Variants in NALF1 observed in about 807,000 individuals in gnomAD.
NALF1 encodes NALCN channel auxiliary factor 1, also known as family with sequence similarity 155 member A.
A neutral mutation model predicts 48.4 loss-of-function variants in NALF1; 3 were observed. That is an observed-to-expected ratio of 0.06 (90% CI 0.03 to 0.16). The LOEUF is 0.16. Ranked by LOEUF, NALF1 falls within the 10% of genes least tolerant of loss-of-function variation. The pLI, the probability that NALF1 is intolerant of heterozygous loss-of-function variation, is 1.00. For synonymous variants in NALF1, 262 were observed against 245.7 expected (o/e 1.07, Z -0.62); for missense variants, 526 against 571.5 (o/e 0.92, Z 0.81).
chr13:107,675,374 T>C (rs1048394558), intron 1 of NALF1, among the ~76,000 whole-genome samples: 1 of 152,188 alleles, frequency 6.6e-6, no homozygotes, highest in Admixed American at 6.5e-5. Context: ...AGATGCTTGT[T>C]GAAGAAATGC....
chr13:107,482,504 A>G (rs574523631), intron 1 of NALF1, among the ~76,000 whole-genome samples: 5 of 152,314 alleles, frequency 3.3e-5, no homozygotes, highest in Admixed American at 2.6e-4. Context: ...TTTGGTGAGC[A>G]TTGGAATTAA....
At chr13:107,446,982 A>G (rs1015014539) in intron 1 of NALF1, among the ~76,000 whole-genome samples, 7 of 152,228 alleles carry the variant, frequency 4.6e-5, no homozygotes, top group African/African-American at 1.7e-4. Context: ...AACACCTAGC[A>G]GAGTACTTGA....
At chr13:107,838,167 C>T (rs532504968) in intron 1 of NALF1, among the ~76,000 whole-genome samples, 48 of 152,162 alleles carry the variant, frequency 3.2e-4, no homozygotes, top group African/African-American at 1.1e-3. Flanking sequence ...TGGCATTATA[C>T]CATAGGCCCT....
intron 1 of NALF1, among the ~76,000 whole-genome samples, chr13:107,492,675 T>G (rs1327510422): frequency 6.6e-6 from 1 of 152,202 alleles, no homozygotes; most frequent in Admixed American, 6.5e-5. Flanking sequence ...TTGCACTGTC[T>G]GTAAATAGGA....
chr13:107,780,503 CTT>C (rs201071204), intron 1 of NALF1, among the ~76,000 whole-genome samples: 24 of 144,376 alleles, frequency 1.7e-4, no homozygotes, highest in Admixed American at 3.4e-4. Context: ...AGAGTTTTAA[CTT>C]TTTTTTTTTT....
chr13:107,254,062 A>AAAAAAATATATATATATAT, intron 1 of NALF1, among the ~76,000 whole-genome samples: 1 of 138,582 alleles, frequency 7.2e-6, no homozygotes, highest in African/African-American at 2.7e-5. Context: ...CAAGTACTAA[A>AAAAAAATATATATATATAT]ATATATATAT....
At chr13:107,522,841 C>T (rs1876292166) in intron 1 of NALF1, among the ~76,000 whole-genome samples, 1 of 152,004 alleles carries the variant, frequency 6.6e-6, no homozygotes. Flanking sequence ...TGGTCTCCAA[C>T]TCCTGACCTC....
rs1880284363 is a variant in NALF1 at position 107,645,249 on chromosome 13, A to G, written c.915+220433T>C. On this transcript the variant is annotated intron_variant, in intron 1 of 2. Transcript: ENST00000375915. The stretch of plus-strand genomic sequence containing the variant: ...GCAGTTACAGTTGCTCCACATCCTC[A>G]CCAACACTTAGTATTGTCCTTTTCA... 2.6e-5 allele frequency among the ~76,000 whole-genome samples: 4 copies of G among 152,152 alleles called. No individual in the cohort carries two copies. The South Asian group carries it at 8.3e-4, about 32-fold the overall frequency.
chr13:107,856,413 G>A (rs1880441410), intron 1 of NALF1, among the ~76,000 whole-genome samples: 1 of 152,152 alleles, frequency 6.6e-6, no homozygotes, highest in Non-Finnish European at 1.5e-5. Context: ...TGCTTGATGT[G>A]TTTGTGACCA....
At chr13:107,559,111 C>G (rs1877566171) in intron 1 of NALF1, among the ~76,000 whole-genome samples, 1 of 152,166 alleles carries the variant, frequency 6.6e-6, no homozygotes, top group Non-Finnish European at 1.5e-5. Flanking sequence ...TATTGGCTCT[C>G]TTCCTCTGTA....
intron 1 of NALF1, among the ~76,000 whole-genome samples, chr13:107,238,546 T>G (rs2138832744): frequency 6.6e-6 from 1 of 152,214 alleles, no homozygotes; most frequent in South Asian, 2.1e-4. Flanking sequence ...AAGGTAAAAA[T>G]CTGTGGGAGC....
chr13:107,851,618 AAGG>A (rs1466327482), intron 1 of NALF1, among the ~76,000 whole-genome samples: 2 of 152,154 alleles, frequency 1.3e-5, no homozygotes, highest in Non-Finnish European at 2.9e-5. Flanking sequence ...TTTCTTAAGC[AAGG>A]AGAAGGAACA....
intron 1 of NALF1, among the ~76,000 whole-genome samples, chr13:107,714,626 T>TAAAAAAAAAAAAAA (rs10633995): frequency 7.9e-6 from 1 of 126,482 alleles, no homozygotes; most frequent in African/African-American, 2.9e-5. Flanking sequence ...GAGGCTTTAT[T>TAAAAAAAAAAAAAA]AAAAAAAAAA....
At chr13:107,184,963 G>C (rs1426787076) in intron 2 of NALF1, among the ~76,000 whole-genome samples, 1 of 152,102 alleles carries the variant, frequency 6.6e-6, no homozygotes, top group Non-Finnish European at 1.5e-5. Flanking sequence ...GGTCATTAGG[G>C]GTTCCTTAAT....
intron 1 of NALF1, among the ~76,000 whole-genome samples, chr13:107,641,120 T>C (rs1376467058): frequency 6.6e-6 from 1 of 152,142 alleles, no homozygotes; most frequent in African/African-American, 2.4e-5. Context: ...TGGATGCAAC[T>C]GGAGGTGATT....
intron 1 of NALF1, among the ~76,000 whole-genome samples, chr13:107,288,431 G>A (rs111229174): frequency 1.3e-5 from 2 of 151,496 alleles, no homozygotes; most frequent in Non-Finnish European, 2.9e-5. Flanking sequence ...TGTTGGTCAG[G>A]CTGGTCTTGC....
intron 1 of NALF1, among the ~76,000 whole-genome samples, chr13:107,800,375 G>T (rs968879341): frequency 4.0e-5 from 6 of 151,560 alleles, no homozygotes; most frequent in African/African-American, 1.5e-4. Context: ...TTTTTCAGGA[G>T]TTCTGTCATG....
chr13:107,620,561 T>C (rs569169583), intron 1 of NALF1, among the ~76,000 whole-genome samples: 3 of 152,324 alleles, frequency 2.0e-5, no homozygotes, highest in Non-Finnish European at 4.4e-5. Context: ...AGGTTTCTGA[T>C]ACTGTTGCAC....
intron 1 of NALF1, among the ~76,000 whole-genome samples, chr13:107,446,743 T>C (rs928913711): frequency 1.3e-5 from 2 of 152,230 alleles, no homozygotes; most frequent in Non-Finnish European, 2.9e-5. Flanking sequence ...ATAGGATCTA[T>C]GTCAAAATTC....
Sources: allele counts gnomAD v4.1 joint callset (sites outside exome capture counted in the v4.1 genomes callset), GRCh38; gene constraint gnomAD v4.1.1; transcripts MANE v1.5; gene names NCBI Gene and HGNC (gene_info 2026-07-23, HGNC 2026-07-21).